The following ATP2A1 variants were observed in gnomAD, a reference collection of about 807,000 sequenced individuals.
ATP2A1 encodes the protein sarcoplasmic/endoplasmic reticulum calcium ATPase 1.
A neutral mutation model predicts 109.5 loss-of-function variants in ATP2A1; 83 were observed. The ratio of observed to expected loss-of-function variants is 0.76; its 90% CI spans 0.63 to 0.91. ATP2A1 has a LOEUF of 0.91. ATP2A1 is among the 40% of genes least tolerant of loss of function. The pLI is 0.00. For missense variants in ATP2A1, 1,101 were observed against 1,341.0 expected (o/e 0.82, Z 2.80); for synonymous variants, 505 against 537.6 (o/e 0.94, Z 0.84).
Position 28,903,904 on chromosome 16 carries a change from C to A in ATP2A1, c.*37+163C>A. ...TCCAGTCAGGGTGGGCCGCTGGCCT[C>A]CCACTGGGCGTCAGTTTGGCTCCCA... On this transcript the variant is annotated intron_variant, in intron 22 of 22. Transcript: ENST00000395503. The surrounding 1 kb of genome is among the most constrained non-coding windows in gnomAD (Gnocchi z 5.6). 1 of 790,390 alleles carries A rather than the reference C, an allele frequency of 1.3e-6. No homozygotes were observed. Among genetic ancestry groups the A allele is most frequent in the South Asian group, 1.5e-5 (1 of 66,122 alleles). 49.0% of individuals were successfully genotyped at this position (790,390 alleles called of 1,614,324 possible). A position where few individuals can be genotyped will look rare whatever the true frequency, so the allele number is the denominator to read the frequency against.
At chr16:28,889,674 G>A (rs1006554340) in intron 9 of ATP2A1, among the ~76,000 whole-genome samples, 5 of 152,176 alleles carry the variant, frequency 3.3e-5, no homozygotes, top group Non-Finnish European at 5.9e-5. Flanking sequence ...TGGCCCCAGA[G>A]CTTCTGCCTG....
At chr16:28,897,697 T>TGGTCTC (rs1417774700) in intron 12 of ATP2A1, among the ~76,000 whole-genome samples, 7 of 152,136 alleles carry the variant, frequency 4.6e-5, no homozygotes, top group African/African-American at 1.7e-4. Context: ...CTCGAACTCC[T>TGGTCTC]GACCTCAAGT....
At chr16:28,897,956 A>T in intron 12 of ATP2A1, 44 bp from the exon 13 acceptor site, 1 of 1,612,640 alleles carries the variant, frequency 6.2e-7, no homozygotes, top group Non-Finnish European at 8.5e-7. Flanking sequence ...ATTCTTTTTG[A>T]CCATTTTAAG....
intron 12 of ATP2A1, among the ~76,000 whole-genome samples, chr16:28,895,905 G>A (rs1330529532): frequency 6.6e-6 from 1 of 152,118 alleles, no homozygotes; most frequent in Non-Finnish European, 1.5e-5. Context: ...CCTGTCAATA[G>A]AGGACTAATT....
intron 8 of ATP2A1, among the ~76,000 whole-genome samples, chr16:28,887,996 T>C (rs1409685143): frequency 6.6e-6 from 1 of 151,600 alleles, no homozygotes; most frequent in Non-Finnish European, 1.5e-5. Flanking sequence ...AGATACGGGG[T>C]TTCACCGTGT....
rs1964091829 is a variant in ATP2A1, at chr16:28,902,065, A to G, written c.2303A>G (p.Asn768Ser). ...KQFIRYLISS[N>S]VGEVVCIFLT... ...TTCATCCGCTACCTCATTTCCTCCA[A>G]CGTGGGCGAGGTGGTCTGGTGAGCA... is the stretch of plus-strand genomic sequence containing the variant. Residue 768 changes from asparagine to serine, a missense_variant, in exon 16 of 23, where the codon AAC (asparagine) becomes AGC (serine). Asn to Ser is a conservative substitution (Grantham distance 46, BLOSUM62 1). Transcript: ENST00000395503. This position sits in a 1 kb window ranked among gnomAD's most constrained non-coding sequence, Gnocchi z 4.8. 6 of 1,614,030 alleles carry G rather than the reference A, an allele frequency of 3.7e-6. No individual in the cohort carries two copies. Among genetic ancestry groups the G allele is most frequent in the Non-Finnish European group, 5.1e-6 (6 of 1,179,928 alleles).
At chr16:28,879,670 C>T in intron 3 of ATP2A1, 87 bp downstream of exon 3, 1 of 1,422,246 alleles carries the variant, frequency 7.0e-7, no homozygotes, top group Non-Finnish European at 9.7e-7. Context: ...TGGATCCTCC[C>T]GTCCGAGTCC....
At chr16:28,904,028 C>T in intron 22 of ATP2A1, 152 bp from the exon 23 acceptor site, 7 of 686,532 alleles carry the variant, frequency 1.0e-5, no homozygotes, top group Admixed American at 2.1e-5. Context: ...TGGGGGGGGG[C>T]GGGGTGTCTG....
At position 28,883,862 on chromosome 16, in the gene ATP2A1, C is replaced by T. The variant is rs1963552468; in HGVS notation, c.464-713C>T. On this transcript the variant is annotated intron_variant, in intron 5 of 22. Coordinates refer to ENST00000395503, the MANE Select transcript of ATP2A1 (RefSeq NM_004320.6). This position sits in a 1 kb window ranked among gnomAD's most constrained non-coding sequence, Gnocchi z 5.2. Reference sequence around the variant, plus strand: ...CTCTCCCTGGCTCCCCGCCTCCCTGCCTCCCTGAGATGCTCAGACCGGGCT... The same window carrying T: ...CTCTCCCTGGCTCCCCGCCTCCCTGTCTCCCTGAGATGCTCAGACCGGGCT... 6.6e-6 allele frequency among the ~76,000 whole-genome samples: 1 copy of T among 152,102 alleles called. No individual in the cohort carries two copies. Among genetic ancestry groups the T allele is most frequent in the Non-Finnish European group, 1.5e-5 (1 of 68,014 alleles).
In ATP2A1 at chr16:28,903,645, C is replaced by A. The variant is rs951686514; in HGVS notation, c.2981-55C>A. 1.4e-6 allele frequency: 2 copies of A among 1,463,734 alleles called. No homozygotes were observed. The highest frequency in any genetic ancestry group is 2.3e-5 in the East Asian group (1 of 44,194). 90.7% of individuals were successfully genotyped at this position (1,463,734 alleles called of 1,614,324 possible). A position where few individuals can be genotyped will look rare whatever the true frequency, so the allele number is the denominator to read the frequency against. Reference sequence around the variant, plus strand: ...CCTCAGCCCCCACAGCCCCTATAGCCCCCATGCCACCTCCCTGCCTTGATA... The same window carrying A: ...CCTCAGCCCCCACAGCCCCTATAGCACCCATGCCACCTCCCTGCCTTGATA... On this transcript the variant is annotated intron_variant, in intron 21 of 22. Transcript: ENST00000395503. This position sits in a 1 kb window ranked among gnomAD's most constrained non-coding sequence, Gnocchi z 5.6.
intron 14 of ATP2A1, among the ~76,000 whole-genome samples, 194 bp from the exon 15 acceptor site, chr16:28,900,387 T>G (rs920811182): frequency 1.3e-5 from 2 of 151,896 alleles, no homozygotes; most frequent in Admixed American, 6.6e-5. Flanking sequence ...AATGAGATGT[T>G]TCCTGCCTCT....
rs763737062 is a variant in ATP2A1, at chr16:28,898,183, C to A, written c.1546-50C>A. 2.5e-6 allele frequency: 4 copies of A among 1,614,178 alleles called. No individual in the cohort carries two copies. The highest frequency in any genetic ancestry group is 2.5e-6 in the Non-Finnish European group (3 of 1,180,004). On this transcript the variant is annotated intron_variant, in intron 13 of 22. Transcript: ENST00000395503. The surrounding 1 kb of genome is among the most constrained non-coding windows in gnomAD (Gnocchi z 4.0). Reference sequence around the variant, plus strand: ...TCTTCCTACTCCTAGCCACCTGTCACTGCCCTGGAAGGAAAGTGGTGGTCT... The same window carrying A: ...TCTTCCTACTCCTAGCCACCTGTCAATGCCCTGGAAGGAAAGTGGTGGTCT...
chr16:28,892,286 G>A, intron 9 of ATP2A1: 1 of 257,228 alleles, frequency 3.9e-6, no homozygotes, highest in Admixed American at 5.0e-5. Context: ...TTTTTTTCTT[G>A]GCTATCTCAG....
intron 10 of ATP2A1, 112 bp from the exon 11 acceptor site, chr16:28,894,393 C>G: frequency 7.7e-7 from 1 of 1,304,892 alleles, no homozygotes; most frequent in African/African-American, 1.5e-5. Context: ...GTTGGCTCTC[C>G]CCACTGTCCT....
chr16:28,882,713 G>A (rs1347430108), intron 5 of ATP2A1, 124 bp downstream of exon 5: 12 of 1,449,144 alleles, frequency 8.3e-6, no homozygotes, highest in South Asian at 6.5e-5. Flanking sequence ...TTCTCTTTCC[G>A]ACTCCTCAGA....
chr16:28,889,104 G>A (rs1386586323), intron 9 of ATP2A1, 151 bp downstream of exon 9: 12 of 1,169,584 alleles, frequency 1.0e-5, no homozygotes, highest in Non-Finnish European at 1.5e-5. Flanking sequence ...CATCCTGTCT[G>A]CCATGAACGG....
In ATP2A1 at chr16:28,882,518, G is replaced by C; in HGVS notation, c.392G>C (p.Arg131Pro). ...GAGCCAGAGATGGGGAAGGTCTACCGGGCTGACCGCAAGTCAGTGCAAAGG... is the reference window on the plus strand; with the variant it reads ...GAGCCAGAGATGGGGAAGGTCTACCCGGCTGACCGCAAGTCAGTGCAAAGG... ...EYEPEMGKVYRADRKSVQRIK... is the reference protein window; with the variant it reads ...EYEPEMGKVYPADRKSVQRIK... The change falls in exon 5 of 23, where the codon CGG (arginine) becomes CCG (proline). Residue 131 changes from arginine (R) to proline (P), a missense_variant. By Grantham distance (103) the Arg-to-Pro change is moderately radical. Transcript: ENST00000395503. 3 of 1,614,198 alleles carry C rather than the reference G, an allele frequency of 1.9e-6. No homozygotes were observed. Among genetic ancestry groups the C allele is most frequent in the Admixed American group, 1.7e-5 (1 of 60,030 alleles).
At chr16:28,890,229 A>G (rs1963730892) in intron 9 of ATP2A1, among the ~76,000 whole-genome samples, 1 of 151,088 alleles carries the variant, frequency 6.6e-6, no homozygotes, top group Admixed American at 6.6e-5. Flanking sequence ...CCAAGGTGGA[A>G]GGATCACTTG....
rs1458449793 is a variant in ATP2A1, at chr16:28,884,663, G to C, written c.544+8G>C. The C allele has an allele frequency of 1.2e-6, 2 of 1,611,974 alleles. No homozygotes were observed. Among genetic ancestry groups the C allele is most frequent in the South Asian group, 1.1e-5 (1 of 91,004 alleles). ...ACCAGTCCATCCTGACAGGTCTGCT[G>C]GCCTGGGTGGGAAGATGCATGGGGG... is the stretch of plus-strand genomic sequence containing the variant. On this transcript the variant is annotated splice_region_variant and intron_variant, in intron 6 of 22. Transcript: ENST00000395503.
Sources: gnomAD v4.1 joint callset for allele counts (sites outside exome capture counted in the v4.1 genomes callset) on GRCh38, gnomAD v4.1.1 for gene constraint, Gnocchi (gnomAD v3.1) non-coding constraint, MANE v1.5 for transcripts, NCBI Gene and HGNC (gene_info 2026-07-23, HGNC 2026-07-21) for gene names.